The following PAK5 variants were observed in gnomAD, a reference collection of about 807,000 sequenced individuals.
The protein encoded by PAK5 is serine/threonine-protein kinase PAK 5.
A neutral mutation model predicts 65.9 loss-of-function variants in PAK5; 16 were observed. That is an observed-to-expected ratio of 0.24 (90% CI 0.16 to 0.37). The LOEUF (loss-of-function observed/expected upper bound fraction) is 0.37. Among genes scored for constraint, PAK5 ranks in the 10% least tolerant of loss-of-function variants. The pLI, the probability that PAK5 is intolerant of heterozygous loss-of-function variation, is 1.00. For missense variants in PAK5, 785 were observed against 903.9 expected (o/e 0.87, Z 1.69); for synonymous variants, 371 against 354.9 (o/e 1.05, Z -0.51).
At chr20:9,588,265 C>G (rs1316775825) in intron 3 of PAK5, among the ~76,000 whole-genome samples, 1 of 152,180 alleles carries the variant, frequency 6.6e-6, no homozygotes, top group Non-Finnish European at 1.5e-5. Context: ...TAAAAGCCAA[C>G]CAACCAACCA....
At chr20:9,649,769 A>G (rs984267087) in intron 2 of PAK5, among the ~76,000 whole-genome samples, 8 of 152,166 alleles carry the variant, frequency 5.3e-5, no homozygotes, top group African/African-American at 1.9e-4. Context: ...AGAAGATGCT[A>G]CTTAAATAAT....
chr20:9,604,908 C>T (rs1207241598), intron 3 of PAK5, among the ~76,000 whole-genome samples: 3 of 152,288 alleles, frequency 2.0e-5, no homozygotes, highest in African/African-American at 4.8e-5. Context: ...TTCAGAAGCA[C>T]TAGGTACCCC....
chr20:9,668,535 C>T (rs2047450166), intron 2 of PAK5, among the ~76,000 whole-genome samples: 1 of 152,138 alleles, frequency 6.6e-6, no homozygotes, highest in African/African-American at 2.4e-5. Context: ...AGGAAAATAG[C>T]CAGGATTAGG....
chr20:9,706,960 C>T (rs1180414581), intron 2 of PAK5, among the ~76,000 whole-genome samples: 3 of 152,132 alleles, frequency 2.0e-5, no homozygotes, highest in African/African-American at 4.8e-5. Context: ...ATTCTGTCTG[C>T]AAATTAACTT....
chr20:9,671,366 G>T (rs1408422825), intron 2 of PAK5, among the ~76,000 whole-genome samples: 1 of 152,120 alleles, frequency 6.6e-6, no homozygotes, highest in Non-Finnish European at 1.5e-5. Flanking sequence ...ACCTTGGGCA[G>T]TATGGCCATT....
At chr20:9,674,269 T>C (rs1239444237) in intron 2 of PAK5, among the ~76,000 whole-genome samples, 1 of 151,310 alleles carries the variant, frequency 6.6e-6, no homozygotes, top group Admixed American at 6.6e-5. Context: ...CCCTTTTTTT[T>C]TCCTGAGCTA....
chr20:9,661,145 T>A (rs754782736), intron 2 of PAK5, among the ~76,000 whole-genome samples: 28 of 152,088 alleles, frequency 1.8e-4, no homozygotes, highest in Admixed American at 8.5e-4. Flanking sequence ...GAATGAAAAT[T>A]GATTTGATTG....
chr20:9,783,912 A>G (rs1171821010), intron 1 of PAK5, among the ~76,000 whole-genome samples: 3 of 152,292 alleles, frequency 2.0e-5, no homozygotes, highest in South Asian at 2.1e-4. Flanking sequence ...TAACTAACCC[A>G]ATTTTTGTAT....
rs147741352 is a variant in PAK5, at chr20:9,704,101, C to T, written c.-12+7185G>A. Among the ~76,000 whole-genome samples the T allele has an allele frequency of 4.8e-4, 73 of 152,248 alleles. 1 individual carries two copies. The South Asian group carries it at 7.5e-3, about 16-fold the overall frequency. On this transcript the variant is annotated intron_variant, in intron 2 of 9. Coordinates refer to ENST00000353224, the MANE Select transcript of PAK5 (RefSeq NM_177990.4). Reference sequence around the variant, plus strand: ...TCCAAATGAACTCATCCCACGTCTCCTTATTCCGAACATGGCCCTGAGTTT... The same window carrying T: ...TCCAAATGAACTCATCCCACGTCTCTTTATTCCGAACATGGCCCTGAGTTT...
chr20:9,715,580 T>A (rs1194694693), intron 1 of PAK5, among the ~76,000 whole-genome samples: 2 of 152,006 alleles, frequency 1.3e-5, no homozygotes, highest in African/African-American at 4.8e-5. Flanking sequence ...CATGCTGCTA[T>A]AAAGACACAT....
At chr20:9,828,811 C>A (rs867514892) in intron 1 of PAK5, among the ~76,000 whole-genome samples, 1 of 152,100 alleles carries the variant, frequency 6.6e-6, no homozygotes, top group Non-Finnish European at 1.5e-5. Context: ...ATATTTGGAA[C>A]CAAAGGTGGG....
At chr20:9,559,083 A>G (rs2045555527) in intron 6 of PAK5, among the ~76,000 whole-genome samples, 1 of 152,190 alleles carries the variant, frequency 6.6e-6, no homozygotes, top group Non-Finnish European at 1.5e-5. Context: ...TCAGCCACAG[A>G]GGAATCTAGG....
At chr20:9,730,298 T>C (rs2048322915) in intron 1 of PAK5, among the ~76,000 whole-genome samples, 1 of 152,102 alleles carries the variant, frequency 6.6e-6, no homozygotes, top group Non-Finnish European at 1.5e-5. Context: ...CAAATTGATG[T>C]TTTTATATTT....
At chr20:9,749,787 T>C (rs2048553300) in intron 1 of PAK5, among the ~76,000 whole-genome samples, 1 of 152,158 alleles carries the variant, frequency 6.6e-6, no homozygotes, top group South Asian at 2.1e-4. Flanking sequence ...GAAAGTCTTA[T>C]GTGAGAGAAG....
rs2047153318 is a variant in PAK5 at position 9,647,862 on chromosome 20, C to T, written c.-11-3523G>A. On this transcript the variant is annotated intron_variant, in intron 2 of 9. Coordinates refer to ENST00000353224, the MANE Select transcript of PAK5 (RefSeq NM_177990.4). The stretch of plus-strand genomic sequence containing the variant: ...AATCTCCAAGATTTATTGTGACATT[C>T]TATCAGCAGTGGCTACTACTCTGTT... Among the ~76,000 whole-genome samples the T allele has an allele frequency of 2.6e-5, 4 of 152,312 alleles. No individual in the cohort carries two copies. In the South Asian group the frequency reaches 8.3e-4, roughly 32 times the overall value.
rs146403779 is a variant in PAK5, at chr20:9,685,403, A to G, written c.-12+25883T>C. 4.7e-3 allele frequency among the ~76,000 whole-genome samples: 710 copies of G among 152,338 alleles called. 6 individuals carry two copies. Among genetic ancestry groups the G allele is most frequent in the African/African-American group, 0.016 (670 of 41,582 alleles). On this transcript the variant is annotated intron_variant, in intron 2 of 9. Coordinates refer to ENST00000353224, the MANE Select transcript of PAK5 (RefSeq NM_177990.4). ...TTGATCCAATATGTCTGGTGGCCTT[A>G]TAGAAAAGGAAAATATGGACACGGA...
chr20:9,728,008 T>C (rs2123542824), intron 1 of PAK5, among the ~76,000 whole-genome samples: 1 of 152,036 alleles, frequency 6.6e-6, no homozygotes, highest in East Asian at 1.9e-4. Context: ...CTAGGTGCTA[T>C]AGTTTGAGTG....
chr20:9,587,084 T>C (rs1568981780), intron 3 of PAK5, among the ~76,000 whole-genome samples: 1 of 152,136 alleles, frequency 6.6e-6, no homozygotes, highest in Non-Finnish European at 1.5e-5. Context: ...GCATGATTCC[T>C]GACGTATACA....
chr20:9,644,440 T>C (rs956957311), intron 2 of PAK5, 101 bp from the exon 3 acceptor site: 9 of 725,182 alleles, frequency 1.2e-5, no homozygotes, highest in African/African-American at 1.1e-4. Flanking sequence ...TCTTTTCAGT[T>C]ATTCCTCTAG....
Sources: gnomAD v4.1 joint callset for allele counts (sites outside exome capture counted in the v4.1 genomes callset) on GRCh38, gnomAD v4.1.1 for gene constraint, MANE v1.5 for transcripts, NCBI Gene and HGNC (gene_info 2026-07-23, HGNC 2026-07-21) for gene names.